The following PBX3 variants were observed in gnomAD, a reference collection of about 807,000 sequenced individuals.
PBX3 encodes PBX homeobox 3, also known as pre-B-cell leukemia transcription factor 3.
Under a neutral mutation model 48.5 loss-of-function variants are expected in PBX3, and 14 were observed. The observed-to-expected ratio is 0.29, with a 90% CI of 0.19 to 0.45. PBX3 has a LOEUF of 0.45. PBX3 is among the 20% of genes least tolerant of loss of function. PBX3 has a pLI of 1.00. For synonymous variants in PBX3, 210 were observed against 200.3 expected, an observed-to-expected ratio of 1.05 and a Z score of -0.41; for missense variants, 386 against 546.7, an observed-to-expected ratio of 0.71 and a Z score of 2.93.
chr9:125,916,615 T>G (rs1157075176), intron 3 of PBX3, among the ~76,000 whole-genome samples: 1 of 152,216 alleles, frequency 6.6e-6, no homozygotes, highest in Admixed American at 6.5e-5. Context: ...AAGAAAAAAT[T>G]AATACTGCTA....
intron 2 of PBX3, among the ~76,000 whole-genome samples, chr9:125,821,298 A>G (rs1341409163): frequency 1.3e-5 from 2 of 152,170 alleles, no homozygotes; most frequent in Admixed American, 6.5e-5. Context: ...ACAACCACAG[A>G]TACTAGAGAC....
chr9:125,940,179 C>T lies in PBX3; in HGVS notation c.843+4572C>T, dbSNP rs1182152846. Among the ~76,000 whole-genome samples the T allele has an allele frequency of 6.0e-5, 9 of 149,164 alleles. No individual in the cohort carries two copies. The South Asian group carries it at 1.5e-3, about 24-fold the overall frequency. On this transcript the variant is annotated intron_variant, in intron 5 of 8. Transcript: ENST00000373489. Reference sequence around the variant, plus strand: ...AGCCTGGGCAACAAGAGCAAAACTCCGTCTCAAAAAAAAAAAAGAAGAAAA... The same window carrying T: ...AGCCTGGGCAACAAGAGCAAAACTCTGTCTCAAAAAAAAAAAAGAAGAAAA...
chr9:125,926,220 A>C (rs984367853), intron 3 of PBX3, among the ~76,000 whole-genome samples: 1 of 152,218 alleles, frequency 6.6e-6, no homozygotes, highest in Non-Finnish European at 1.5e-5. Context: ...GCATAAAATC[A>C]TTTAAATTGA....
chr9:125,899,360 AATATATAC>A (rs71376124), intron 2 of PBX3, among the ~76,000 whole-genome samples: 34,766 of 107,462 alleles, frequency 0.32, 7,953 homozygotes, highest in Non-Finnish European at 0.41. Context: ...TTTTTATATA[AATATATAC>A]ATATATGTAT....
chr9:125,868,119 G>A (rs1006811526), intron 2 of PBX3, among the ~76,000 whole-genome samples: 4 of 151,012 alleles, frequency 2.6e-5, no homozygotes, highest in Non-Finnish European at 5.9e-5. Context: ...AAGTGATCTG[G>A]TCAACTCGGC....
intron 2 of PBX3, among the ~76,000 whole-genome samples, chr9:125,842,221 T>G (rs1312833694): frequency 2.6e-5 from 4 of 152,196 alleles, no homozygotes; most frequent in Non-Finnish European, 4.4e-5. Flanking sequence ...CTCTTCTCTT[T>G]CAGGCCATCT....
chr9:125,965,369 G>T (rs1842509197), intron 8 of PBX3, among the ~76,000 whole-genome samples: 1 of 152,174 alleles, frequency 6.6e-6, no homozygotes, highest in Non-Finnish European at 1.5e-5. Context: ...CTTTCCAAGG[G>T]TTACAGTAGC....
intron 5 of PBX3, among the ~76,000 whole-genome samples, chr9:125,942,648 A>G (rs1462201273): frequency 6.6e-6 from 1 of 152,204 alleles, no homozygotes; most frequent in Non-Finnish European, 1.5e-5. Flanking sequence ...TCCTACTGCA[A>G]GTATGCAGTT....
chr9:125,952,082 AT>A (rs1353328886), intron 5 of PBX3, among the ~76,000 whole-genome samples: 1 of 152,244 alleles, frequency 6.6e-6, no homozygotes, highest in Non-Finnish European at 1.5e-5. Flanking sequence ...TACCATGTAA[AT>A]ATGCTGCCAT....
At chr9:125,783,254 A>G (rs1588142801) in intron 2 of PBX3, among the ~76,000 whole-genome samples, 1 of 152,096 alleles carries the variant, frequency 6.6e-6, no homozygotes, top group South Asian at 2.1e-4. Context: ...ATTGAGATGC[A>G]TGATATTCTC....
intron 2 of PBX3, among the ~76,000 whole-genome samples, chr9:125,913,259 T>A: frequency 6.6e-6 from 1 of 152,122 alleles, no homozygotes; most frequent in East Asian, 1.9e-4. Context: ...ATTTATAAAG[T>A]AAATACAAAG....
At chr9:125,783,519 C>T (rs1837378229) in intron 2 of PBX3, among the ~76,000 whole-genome samples, 1 of 152,054 alleles carries the variant, frequency 6.6e-6, no homozygotes, top group Admixed American at 6.6e-5. Context: ...AACTCCTGAC[C>T]TCAAGTAATA....
chr9:125,941,697 C>G (rs924381289), intron 5 of PBX3, among the ~76,000 whole-genome samples: 1 of 152,140 alleles, frequency 6.6e-6, no homozygotes, highest in African/African-American at 2.4e-5. Flanking sequence ...ACCTAACACC[C>G]TGAAAATTGA....
intron 2 of PBX3, among the ~76,000 whole-genome samples, chr9:125,895,974 C>T (rs1276864013): frequency 1.3e-5 from 2 of 152,000 alleles, no homozygotes; most frequent in Non-Finnish European, 2.9e-5. Context: ...ATAAAAATCA[C>T]ACTACTTAGA....
intron 2 of PBX3, among the ~76,000 whole-genome samples, chr9:125,815,287 A>G (rs561035288): frequency 4.6e-5 from 7 of 152,278 alleles, no homozygotes; most frequent in African/African-American, 1.4e-4. Flanking sequence ...TCCTTCCTAT[A>G]GTCCCACTCA....
At chr9:125,861,866 G>A (rs1380955247) in intron 2 of PBX3, among the ~76,000 whole-genome samples, 1 of 152,166 alleles carries the variant, frequency 6.6e-6, no homozygotes, top group Non-Finnish European at 1.5e-5. Context: ...TTGAGAGAGG[G>A]TGATGAAAAT....
chr9:125,919,359 A>ATTTTTTT (rs34891465), intron 3 of PBX3, among the ~76,000 whole-genome samples: 537 of 102,522 alleles, frequency 5.2e-3, no homozygotes, highest in Admixed American at 6.2e-3. Context: ...TGCCCGTCTA[A>ATTTTTTT]TTTTTTTTTT....
At chr9:125,893,250 CATAAGA>C (rs1479583362) in intron 2 of PBX3, among the ~76,000 whole-genome samples, 2 of 152,206 alleles carry the variant, frequency 1.3e-5, no homozygotes, top group African/African-American at 4.8e-5. Flanking sequence ...TGATGTCCTA[CATAAGA>C]ATAAGTTGTG....
At chr9:125,903,908 A>G (rs556940546) in intron 2 of PBX3, among the ~76,000 whole-genome samples, 5 of 151,948 alleles carry the variant, frequency 3.3e-5, no homozygotes, top group East Asian at 3.9e-4. Flanking sequence ...CTGTGTGACT[A>G]TGAGCAATGG....
Sources: allele counts gnomAD v4.1 joint callset (sites outside exome capture counted in the v4.1 genomes callset), GRCh38; gene constraint gnomAD v4.1.1; transcripts MANE v1.5; gene names NCBI Gene and HGNC (gene_info 2026-07-23, HGNC 2026-07-21).